The following YIPF4 variants were observed in gnomAD, a reference collection of about 807,000 sequenced individuals.
YIPF4 encodes the protein Yip1 domain family member 4.
In YIPF4, 18 loss-of-function variants were observed where a neutral mutation model predicts 29.4. That is an observed-to-expected ratio of 0.61 (90% confidence interval 0.42 to 0.91). The LOEUF is 0.91. Ranked by LOEUF, YIPF4 falls within the 40% of genes least tolerant of loss-of-function variation. The pLI is 0.00. For missense variants in YIPF4, 279 were observed against 282.7 expected, an observed-to-expected ratio of 0.99 and a Z score of 0.09; for synonymous variants, 115 against 104.7, an observed-to-expected ratio of 1.10 and a Z score of -0.60.
chr2:32,280,624 T>G (rs947079292), intron 1 of YIPF4, among the ~76,000 whole-genome samples: 1 of 151,958 alleles, frequency 6.6e-6, no homozygotes, highest in Non-Finnish European at 1.5e-5. Flanking sequence ...CCTCGTGATC[T>G]GCCTGCCTCG....
chr2:32,295,711 C>T (rs996571566), intron 3 of YIPF4, among the ~76,000 whole-genome samples: 8 of 152,188 alleles, frequency 5.3e-5, no homozygotes, highest in Non-Finnish European at 7.3e-5. Context: ...TCAAGTGATT[C>T]TTCTGCCTCA....
chr2:32,296,937 C>T (rs569877891), intron 3 of YIPF4, among the ~76,000 whole-genome samples: 1 of 152,242 alleles, frequency 6.6e-6, no homozygotes, highest in Admixed American at 6.5e-5. Flanking sequence ...TAATCCAGTA[C>T]TGTCATAATT....
At chr2:32,294,653 C>T (rs1457941173) in intron 3 of YIPF4, among the ~76,000 whole-genome samples, 1 of 152,140 alleles carries the variant, frequency 6.6e-6, no homozygotes, top group Non-Finnish European at 1.5e-5. Flanking sequence ...CTCCTCACTT[C>T]CCAGACGGGG....
intron 4 of YIPF4, among the ~76,000 whole-genome samples, chr2:32,298,519 A>G (rs1284482888): frequency 6.6e-6 from 1 of 152,200 alleles, no homozygotes; most frequent in Non-Finnish European, 1.5e-5. Context: ...CGTCCCATTT[A>G]TGAAGTAATT....
chr2:32,305,644 T>A lies in YIPF4; in HGVS notation c.*18T>A. ...GTGTGTGATCCAAGTTATACATGAA[T>A]AGAAAAAGATGGTGTTAAATTTGTG... is the stretch of plus-strand genomic sequence containing the variant. On this transcript the variant is annotated 3_prime_UTR_variant, in exon 6 of 6. Transcript: ENST00000238831. The A allele has an allele frequency of 6.5e-7, 1 of 1,541,792 alleles. No homozygotes were observed. Among genetic ancestry groups the A allele is most frequent in the Admixed American group, 2.0e-5 (1 of 49,872 alleles).
chr2:32,294,705 C>T (rs989056015), intron 3 of YIPF4, among the ~76,000 whole-genome samples: 1 of 152,182 alleles, frequency 6.6e-6, no homozygotes, highest in African/African-American at 2.4e-5. Context: ...CTTTGGGAGG[C>T]CAAGGCAGGC....
Position 32,306,047 on chromosome 2 carries a change from A to G in YIPF4, c.*421A>G, listed in dbSNP as rs1477653993. 1 of 844,356 alleles carries G rather than the reference A, an allele frequency of 1.2e-6. No individual in the cohort carries two copies. Among genetic ancestry groups the G allele is most frequent in the African/African-American group, 1.8e-5 (1 of 54,262 alleles). 52.3% of individuals were successfully genotyped at this position (844,356 alleles called of 1,614,324 possible). On this transcript the variant is annotated 3_prime_UTR_variant, in exon 6 of 6. Transcript: ENST00000238831. ...AGCATCACAGATCCTGCAGATATATATTTATATTTATACATATATATTTAT... is the reference window on the plus strand; with the variant it reads ...AGCATCACAGATCCTGCAGATATATGTTTATATTTATACATATATATTTAT...
At chr2:32,301,597 C>T (rs1386265031) in intron 5 of YIPF4, 102 bp downstream of exon 5, 5 of 725,164 alleles carry the variant, frequency 6.9e-6, no homozygotes, top group Non-Finnish European at 1.1e-5. Context: ...CTTTATCAAA[C>T]AGTTGGTAGT....
intron 1 of YIPF4, among the ~76,000 whole-genome samples, chr2:32,283,635 C>T (rs943427798): frequency 2.0e-5 from 3 of 152,116 alleles, no homozygotes; most frequent in Middle Eastern, 3.2e-3. Flanking sequence ...TTCTATACCC[C>T]AGTACCTATC....
At chr2:32,287,229 A>T (rs374514582) in intron 1 of YIPF4, among the ~76,000 whole-genome samples, 2 of 152,210 alleles carry the variant, frequency 1.3e-5, no homozygotes, top group African/African-American at 4.8e-5. Flanking sequence ...TGGACAAGAG[A>T]GTCTGTCTCT....
At chr2:32,297,727 T>C (rs555795973) in intron 3 of YIPF4, among the ~76,000 whole-genome samples, 2 of 152,292 alleles carry the variant, frequency 1.3e-5, no homozygotes, top group East Asian at 3.9e-4. Context: ...CTTATGTTGC[T>C]ACTGGGGTAT....
chr2:32,278,284 G>A (rs2030203534), intron 1 of YIPF4, 50 bp downstream of exon 1: 2 of 1,506,682 alleles, frequency 1.3e-6, no homozygotes, highest in Non-Finnish European at 1.8e-6. Flanking sequence ...GCCAGGGCCC[G>A]ACGCCGTAGG....
Position 32,278,100 on chromosome 2 carries a change from G to A in YIPF4, c.-56G>A. 1 of 1,486,928 alleles carries A rather than the reference G, an allele frequency of 6.7e-7. No homozygotes were observed. The highest frequency in any genetic ancestry group is 2.6e-5 in the East Asian group (1 of 38,012). 92.1% of individuals were successfully genotyped at this position (1,486,928 alleles called of 1,614,324 possible). A position where few individuals can be genotyped will look rare whatever the true frequency, so the allele number is the denominator to read the frequency against. ...GCGGGTCGCCGCCGCGGCCGCCTCGGGGTCTGGGCCCAGCCGCAGCCTCTT... is the reference window on the plus strand; with the variant it reads ...GCGGGTCGCCGCCGCGGCCGCCTCGAGGTCTGGGCCCAGCCGCAGCCTCTT... On this transcript the variant is annotated 5_prime_UTR_variant, in exon 1 of 6. Coordinates refer to ENST00000238831, the MANE Select transcript of YIPF4 (RefSeq NM_032312.4).
intron 5 of YIPF4, among the ~76,000 whole-genome samples, chr2:32,303,466 T>C (rs919201851): frequency 6.6e-6 from 1 of 152,184 alleles, no homozygotes; most frequent in East Asian, 1.9e-4. Context: ...CCCAGCAGTT[T>C]GGCAGGCCGA....
At position 32,283,892 on chromosome 2, in the gene YIPF4, A is replaced by AT. The variant is rs533692370; in HGVS notation, c.79+5665dup. On this transcript the variant is annotated intron_variant, in intron 1 of 5. Transcript: ENST00000238831. ...GCCACCATGCTCGGCTAATTTTTGT[A>AT]TTTTTTTAATAGAGACGGGGTTTTA... Among the ~76,000 whole-genome samples, 991 of 151,746 alleles carry AT rather than the reference A, an allele frequency of 6.5e-3. 11 individuals carry two copies. The highest frequency in any genetic ancestry group is 0.023 in the African/African-American group (941 of 41,388).
At chr2:32,298,051 T>C (rs1028545800) in intron 3 of YIPF4, among the ~76,000 whole-genome samples, 183 bp from the exon 4 acceptor site, 10 of 152,316 alleles carry the variant, frequency 6.6e-5, no homozygotes, top group Non-Finnish European at 1.5e-4. Flanking sequence ...AATTTGGATG[T>C]AAAATTGTAT....
Position 32,292,197 on chromosome 2 carries a change from T to A in YIPF4, c.254T>A (p.Leu85Gln), listed in dbSNP as rs2030948008. Residue 85 changes from leucine to glutamine, a missense_variant, in exon 3 of 6, where the codon CTA (leucine) becomes CAA (glutamine). Physicochemically the swap from Leu to Gln is moderately radical, Grantham distance 113 (BLOSUM62 -2). Coordinates refer to ENST00000238831, the MANE Select transcript of YIPF4 (RefSeq NM_032312.4). ...TATAGGGAAGAATTGGACATTGATC[T>A]AAAGGATATTTACTACAAAATCCGA... ...KPLLEELDID[L>Q]KDIYYKIRCV... is the part of the protein sequence containing the mutation. 7 of 1,557,108 alleles carry A rather than the reference T, an allele frequency of 4.5e-6. No homozygotes were observed. In the Admixed American group the frequency reaches 7.8e-5, roughly 17 times the overall value.
At chr2:32,301,602 G>C in intron 5 of YIPF4, 107 bp downstream of exon 5, 1 of 701,486 alleles carries the variant, frequency 1.4e-6, no homozygotes, top group South Asian at 2.6e-5. Flanking sequence ...TCAAACAGTT[G>C]GTAGTATTTT....
intron 1 of YIPF4, 29 bp from the exon 2 acceptor site, chr2:32,290,454 T>G (rs763019052): frequency 7.0e-7 from 1 of 1,419,206 alleles, no homozygotes; most frequent in East Asian, 2.7e-5. Context: ...TGCCTTAGTT[T>G]ATATAGTTTT....
Sources: allele counts gnomAD v4.1 joint callset (sites outside exome capture counted in the v4.1 genomes callset), GRCh38; gene constraint gnomAD v4.1.1; transcripts MANE v1.5; gene names NCBI Gene and HGNC (gene_info 2026-07-23, HGNC 2026-07-21).